The following LINGO2 variants were observed in gnomAD, a reference collection of about 807,000 sequenced individuals.
LINGO2 encodes the protein leucine-rich repeat and immunoglobulin-like domain-containing nogo receptor-interacting protein 2.
In LINGO2, 14 loss-of-function variants were observed where a neutral mutation model predicts 30.6. The ratio of observed to expected loss-of-function variants is 0.46; its 90% CI spans 0.30 to 0.72. The LOEUF (loss-of-function observed/expected upper bound fraction) is 0.72, where lower values mean the gene tolerates loss of function less well. Among genes scored for constraint, LINGO2 ranks in the 30% least tolerant of loss-of-function variants. The pLI is 0.07. For synonymous variants in LINGO2, 317 were observed against 288.5 expected (o/e 1.10, Z -1.00); for missense variants, 729 against 751.7 (o/e 0.97, Z 0.35).
rs150351529 is a variant in LINGO2 at position 28,601,014 on chromosome 9, T to C, written c.-365+69186A>G. ...GCTCCAAAATAAACCATGTTTTTTT[T>C]CTCTGTAAACAGATCCCTTGGAGCC... On this transcript the variant is annotated intron_variant, in intron 1 of 5. Coordinates refer to ENST00000379992, the Ensembl canonical transcript of LINGO2. Among the ~76,000 whole-genome samples the C allele has an allele frequency of 9.4e-4, 143 of 152,254 alleles. 2 individuals are homozygous for C. Among genetic ancestry groups the C allele is most frequent in the African/African-American group, 3.4e-3 (143 of 41,560 alleles).
chr9:28,963,547 C>CACACACACACACACAA, the LINGO2 span, among the ~76,000 whole-genome samples: 1 of 148,134 alleles, frequency 6.8e-6, no homozygotes, highest in Non-Finnish European at 1.5e-5. Context: ...TATGAATACA[C>CACACACACACACACAA]ACACACACAC....
the LINGO2 span, among the ~76,000 whole-genome samples, chr9:29,126,410 C>T: frequency 1.3e-5 from 2 of 151,960 alleles, no homozygotes; most frequent in African/African-American, 4.8e-5. Flanking sequence ...GTGTGACACA[C>T]AAAAATAATA....
At chr9:29,057,749 C>A in the LINGO2 span, among the ~76,000 whole-genome samples, 2 of 152,048 alleles carry the variant, frequency 1.3e-5, no homozygotes, top group African/African-American at 2.4e-5. Flanking sequence ...GGCTTCGGAT[C>A]GAAAGCAACT....
Position 28,312,399 on chromosome 9 carries a change from A to G in LINGO2, c.-245-17033T>C, listed in dbSNP as rs557836281. Among the ~76,000 whole-genome samples the G allele has an allele frequency of 3.4e-3, 518 of 152,174 alleles. 1 individual carries two copies. Among genetic ancestry groups the G allele is most frequent in the Non-Finnish European group, 5.5e-3 (373 of 67,980 alleles). On this transcript the variant is annotated intron_variant, in intron 3 of 5. Transcript: ENST00000379992. ...AGAGGGTGGTCAAGGAAAATAAGAA[A>G]ATGATTAGTGGAAATCAAATTATTA...
chr9:28,085,936 C>A (rs1310153659), intron 4 of LINGO2, among the ~76,000 whole-genome samples: 3 of 151,950 alleles, frequency 2.0e-5, no homozygotes, highest in Admixed American at 2.0e-4. Context: ...TAAGATAAAT[C>A]ATTATGTGAA....
chr9:29,021,424 G>A, the LINGO2 span, among the ~76,000 whole-genome samples: 1 of 152,076 alleles, frequency 6.6e-6, no homozygotes, highest in East Asian at 1.9e-4. Flanking sequence ...TTTGGGAGGC[G>A]ATGCGGGCGG....
At chr9:28,021,212 AAGT>A (rs1371304877) in intron 4 of LINGO2, among the ~76,000 whole-genome samples, 1 of 152,052 alleles carries the variant, frequency 6.6e-6, no homozygotes, top group Non-Finnish European at 1.5e-5. Flanking sequence ...ACATTTTAAT[AAGT>A]AGTATTTTCG....
intron 3 of LINGO2, among the ~76,000 whole-genome samples, chr9:28,369,100 G>A (rs984646851): frequency 1.3e-5 from 2 of 152,098 alleles, no homozygotes; most frequent in African/African-American, 4.8e-5. Context: ...AATGTTTTTA[G>A]TCACTTCCTT....
intron 1 of LINGO2, among the ~76,000 whole-genome samples, chr9:28,650,071 G>C (rs1172234778): frequency 6.6e-6 from 1 of 151,606 alleles, no homozygotes; most frequent in Non-Finnish European, 1.5e-5. Flanking sequence ...TAGAGAGGTA[G>C]CTGTACTAAA....
intron 2 of LINGO2, among the ~76,000 whole-genome samples, chr9:28,418,150 T>G (rs1016820797): frequency 1.3e-5 from 2 of 152,180 alleles, no homozygotes; most frequent in African/African-American, 4.8e-5. Context: ...TCTGGTGTCA[T>G]GAGCATATGA....
At chr9:28,976,257 C>G in the LINGO2 span, among the ~76,000 whole-genome samples, 1 of 152,040 alleles carries the variant, frequency 6.6e-6, no homozygotes, top group Non-Finnish European at 1.5e-5. Flanking sequence ...AGCTATTTTT[C>G]CTTTAAATAT....
At chr9:29,050,828 G>T in the LINGO2 span, among the ~76,000 whole-genome samples, 1 of 152,030 alleles carries the variant, frequency 6.6e-6, no homozygotes, top group Admixed American at 6.6e-5. Context: ...ATGTCTTTAA[G>T]CCTCAATTTA....
the LINGO2 span, among the ~76,000 whole-genome samples, chr9:28,880,194 C>T: frequency 9.2e-5 from 14 of 152,230 alleles, no homozygotes; most frequent in African/African-American, 3.1e-4. Flanking sequence ...CTGCAACCTC[C>T]GCCTCCCAGG....
the LINGO2 span, among the ~76,000 whole-genome samples, chr9:28,881,596 A>T: frequency 4.8e-5 from 7 of 146,664 alleles, no homozygotes; most frequent in East Asian, 1.2e-3. Context: ...ATTACTGACA[A>T]CCTTTTTTTT....
chr9:28,467,654 ATAT>A (rs1479079359), intron 2 of LINGO2, among the ~76,000 whole-genome samples: 1 of 152,070 alleles, frequency 6.6e-6, no homozygotes, highest in East Asian at 1.9e-4. Flanking sequence ...TTTTTATTAC[ATAT>A]TATTATTTTT....
intron 2 of LINGO2, among the ~76,000 whole-genome samples, chr9:28,439,243 A>G (rs922698402): frequency 3.3e-5 from 5 of 150,870 alleles, no homozygotes; most frequent in African/African-American, 1.2e-4. Context: ...CATACTATAT[A>G]TGTGTGTGTG....
chr9:28,772,079 G>T, the LINGO2 span, among the ~76,000 whole-genome samples: 1 of 152,102 alleles, frequency 6.6e-6, no homozygotes, highest in African/African-American at 2.4e-5. Context: ...ATGAGTAAAT[G>T]AATTATTTTT....
At chr9:29,186,282 A>C in the LINGO2 span, among the ~76,000 whole-genome samples, 1 of 151,940 alleles carries the variant, frequency 6.6e-6, no homozygotes, top group African/African-American at 2.4e-5. Context: ...TTTTTCTTCA[A>C]TTTTACAGCT....
At chr9:28,798,800 G>A in the LINGO2 span, among the ~76,000 whole-genome samples, 1 of 152,098 alleles carries the variant, frequency 6.6e-6, no homozygotes, top group African/African-American at 2.4e-5. Context: ...GCAAGTGAAT[G>A]GCACATATAA....
Sources: allele counts gnomAD v4.1 joint callset (sites outside exome capture counted in the v4.1 genomes callset), GRCh38; gene constraint gnomAD v4.1.1; transcripts MANE v1.5; gene names NCBI Gene and HGNC (gene_info 2026-07-23, HGNC 2026-07-21).